AHI1: variants seen among roughly 807,000 people sequenced by gnomAD.
The protein encoded by AHI1 is Abelson helper integration site 1, also known as jouberin.
A neutral mutation model predicts 149.3 loss-of-function variants in AHI1; 123 were observed. The ratio of observed to expected loss-of-function variants is 0.82; its 90% CI spans 0.71 to 0.96. The LOEUF is 0.96. AHI1 is among the 40% of genes least tolerant of loss of function. The pLI, the probability that AHI1 is intolerant of heterozygous loss-of-function variation, is 0.00. For synonymous variants in AHI1, 475 were observed against 459.8 expected, an observed-to-expected ratio of 1.03 and a Z score of -0.42; for missense variants, 1,439 against 1,422.7, an observed-to-expected ratio of 1.01 and a Z score of -0.18.
chr6:135,489,365 C>T (rs1254236753), intron 5 of AHI1, among the ~76,000 whole-genome samples: 1 of 152,050 alleles, frequency 6.6e-6, no homozygotes, highest in Non-Finnish European at 1.5e-5. Flanking sequence ...TTAATTTAAA[C>T]CTTGGTCTAA....
chr6:135,389,603 C>T (rs1778169689), intron 23 of AHI1, among the ~76,000 whole-genome samples: 1 of 152,158 alleles, frequency 6.6e-6, no homozygotes. Flanking sequence ...CCTATCACCA[C>T]ACTGTAAGTT....
intron 20 of AHI1, among the ~76,000 whole-genome samples, chr6:135,424,011 C>A (rs904832841): frequency 2.0e-5 from 3 of 152,026 alleles, no homozygotes; most frequent in Non-Finnish European, 4.4e-5. Context: ...GATGAACAAG[C>A]TTCCATCTTT....
chr6:135,353,368 T>C (rs1792453580), intron 24 of AHI1, among the ~76,000 whole-genome samples: 1 of 152,086 alleles, frequency 6.6e-6, no homozygotes, highest in Non-Finnish European at 1.5e-5. Context: ...ATGAGTTTTA[T>C]AGGGGCCCAT....
chr6:135,388,170 G>A, intron 23 of AHI1: 1 of 905,868 alleles, frequency 1.1e-6, no homozygotes, highest in Non-Finnish European at 1.7e-6. Context: ...ATCTACAATA[G>A]TGAATTAATG....
In AHI1 at chr6:135,364,300, C is replaced by T. The variant is rs796981399; in HGVS notation, c.3110-6113G>A. ...CCCCACATCTCAGACGATGGGCGGCCGGGCAGAGACGCTCCTCACTTCCCA... is the reference window on the plus strand; with the variant it reads ...CCCCACATCTCAGACGATGGGCGGCTGGGCAGAGACGCTCCTCACTTCCCA... On this transcript the variant is annotated intron_variant, in intron 23 of 28. Transcript: ENST00000265602. Among the ~76,000 whole-genome samples, 342 of 151,554 alleles carry T rather than the reference C, an allele frequency of 2.3e-3. 10 individuals are homozygous for T. The highest frequency in any genetic ancestry group is 0.019 in the Admixed American group (284 of 15,262).
intron 22 of AHI1, 55 bp from the exon 23 acceptor site, chr6:135,394,951 C>T: frequency 1.3e-6 from 2 of 1,535,554 alleles, no homozygotes; most frequent in Non-Finnish European, 1.8e-6. Context: ...ATTACTAATG[C>T]AAAAACTGGA....
chr6:135,400,096 T>C (rs1562673472), intron 22 of AHI1, among the ~76,000 whole-genome samples: 1 of 152,098 alleles, frequency 6.6e-6, no homozygotes, highest in African/African-American at 2.4e-5. Flanking sequence ...TTCCTTTTTG[T>C]GTTTGTAAGT....
chr6:135,338,889 A>T (rs1226943549), intron 24 of AHI1, among the ~76,000 whole-genome samples: 1 of 151,450 alleles, frequency 6.6e-6, no homozygotes, highest in African/African-American at 2.4e-5. Flanking sequence ...CCTGTGTAGC[A>T]GCTCCCTGAA....
At chr6:135,330,329 A>C (rs1289250792) in intron 24 of AHI1, among the ~76,000 whole-genome samples, 2 of 148,748 alleles carry the variant, frequency 1.3e-5, no homozygotes, top group Non-Finnish European at 2.9e-5. Context: ...AGCAACTATC[A>C]GTCTGGTCAG....
chr6:135,303,391 C>A (rs1354597141), intron 26 of AHI1, among the ~76,000 whole-genome samples: 1 of 152,084 alleles, frequency 6.6e-6, no homozygotes, highest in African/African-American at 2.4e-5. Flanking sequence ...ATAGATATAC[C>A]TTTTCCATAT....
chr6:135,460,612 A>G (rs1279176913), intron 8 of AHI1, among the ~76,000 whole-genome samples: 1 of 152,226 alleles, frequency 6.6e-6, no homozygotes, highest in East Asian at 1.9e-4. Context: ...ACAGAAATGC[A>G]AAGTAAAGAA....
chr6:135,407,028 C>G lies in AHI1; in HGVS notation c.2962-2051G>C, dbSNP rs150736160. Among the ~76,000 whole-genome samples the G allele has an allele frequency of 9.4e-3, 1,436 of 152,268 alleles. 12 individuals carry two copies. Among genetic ancestry groups the G allele is most frequent in the Non-Finnish European group, 0.015 (1,025 of 68,024 alleles). On this transcript the variant is annotated intron_variant, in intron 21 of 28. Transcript: ENST00000265602. ...AGAATGCTGTTAGGTATTGCTGTGG[C>G]AGCAACATGCAGTCAAGTATGCTAA...
chr6:135,285,855 T>A (rs1781617934), intron 28 of AHI1, among the ~76,000 whole-genome samples: 1 of 152,320 alleles, frequency 6.6e-6, no homozygotes, highest in South Asian at 2.1e-4. Flanking sequence ...TCTTTTTGTA[T>A]CATTAGCAAT....
At chr6:135,424,259 A>G (rs1783630782) in intron 20 of AHI1, among the ~76,000 whole-genome samples, 1 of 152,050 alleles carries the variant, frequency 6.6e-6, no homozygotes, top group South Asian at 2.1e-4. Flanking sequence ...CTATGTCATA[A>G]GATTATTGCA....
At chr6:135,448,218 T>G in intron 12 of AHI1, 72 bp downstream of exon 12, 3 of 1,123,862 alleles carry the variant, frequency 2.7e-6, no homozygotes, top group Non-Finnish European at 3.5e-6. Flanking sequence ...TTTTTAGAAA[T>G]GAAAAACATG....
At chr6:135,286,392 G>C (rs1781688021) in intron 28 of AHI1, 1 of 152,164 alleles carries the variant, frequency 6.6e-6, no homozygotes, top group African/African-American at 2.4e-5. Context: ...ATAAGTTCTG[G>C]ACTTACACAG....
intron 5 of AHI1, among the ~76,000 whole-genome samples, chr6:135,485,227 T>G (rs1794308238): frequency 6.6e-6 from 1 of 151,884 alleles, no homozygotes; most frequent in Non-Finnish European, 1.5e-5. Context: ...GTACACAACA[T>G]CATGCCTGGC....
chr6:135,388,956 G>A (rs1264323655), intron 23 of AHI1, among the ~76,000 whole-genome samples: 1 of 151,896 alleles, frequency 6.6e-6, no homozygotes, highest in East Asian at 1.9e-4. Flanking sequence ...AGGTTACAGC[G>A]AGCTGAGACC....
chr6:135,429,630 A>T (rs1784372839), intron 18 of AHI1, among the ~76,000 whole-genome samples: 1 of 151,446 alleles, frequency 6.6e-6, no homozygotes, highest in South Asian at 2.1e-4. Flanking sequence ...AGAACTACTC[A>T]CATTTTGGGC....
Sources: gnomAD v4.1 joint callset for allele counts (sites outside exome capture counted in the v4.1 genomes callset) on GRCh38, gnomAD v4.1.1 for gene constraint, MANE v1.5 for transcripts, NCBI Gene and HGNC (gene_info 2026-07-23, HGNC 2026-07-21) for gene names.